CEP89: variants seen among roughly 807,000 people sequenced by gnomAD.
CEP89 encodes centrosomal protein of 89 kDa.
In CEP89, 95 loss-of-function variants were observed where a neutral mutation model predicts 97.6. The observed-to-expected ratio is 0.97, with a 90% CI of 0.82 to 1.15. The LOEUF (loss-of-function observed/expected upper bound fraction) is 1.15, where lower values mean the gene tolerates loss of function less well. Ranked by LOEUF, CEP89 falls within the 50% of genes most tolerant of loss-of-function variation. CEP89 has a pLI of 0.00. For synonymous variants in CEP89, 354 were observed against 349.1 expected (o/e 1.01, Z -0.16); for missense variants, 869 against 947.7 (o/e 0.92, Z 1.09).
In CEP89 at chr19:32,931,446, G is replaced by A. The variant is rs1163617366; in HGVS notation, c.1012C>T (p.His338Tyr). The A allele has an allele frequency of 6.3e-7, 1 of 1,581,864 alleles. No homozygotes were observed. The highest frequency in any genetic ancestry group is 1.4e-5 in the African/African-American group (1 of 72,880). The part of the protein sequence containing the change: ...ELSRYQTKFR[H>Y]LSKEESLNIE... ...AACGTTACCTCTTCCTTGGACAAAT[G>A]CCTGAATTTTGTCTGATATCGACTG... Residue 338 changes from histidine to tyrosine, a missense_variant, in exon 9 of 19, where the codon CAT (histidine) becomes TAT (tyrosine). His to Tyr is a moderately conservative substitution (Grantham distance 83). Transcript: ENST00000305768.
intron 15 of CEP89, 67 bp from the exon 16 acceptor site, chr19:32,900,065 ATCTGTATT>A: frequency 6.9e-7 from 1 of 1,446,710 alleles, no homozygotes; most frequent in African/African-American, 1.4e-5. Context: ...CATGGTGAAT[ATCTGTATT>A]ACAAAAACAG....
At chr19:32,881,785 A>G (rs1236278431) in intron 18 of CEP89, 59 bp downstream of exon 18, 1 of 1,491,584 alleles carries the variant, frequency 6.7e-7, no homozygotes, top group African/African-American at 1.4e-5. Flanking sequence ...GTTTTAGCAG[A>G]ACCCTCAATC....
At chr19:32,902,821 C>T (rs963105936) in intron 14 of CEP89, among the ~76,000 whole-genome samples, 2 of 152,088 alleles carry the variant, frequency 1.3e-5, no homozygotes, top group Admixed American at 6.6e-5. Context: ...GAGGAAACTG[C>T]GTAAAGCCTA....
chr19:32,935,960 C>A (rs1249334152), intron 7 of CEP89, among the ~76,000 whole-genome samples: 2 of 152,310 alleles, frequency 1.3e-5, no homozygotes, highest in Non-Finnish European at 2.9e-5. Flanking sequence ...CTCCACAGAG[C>A]CATCAGGAGC....
At position 32,943,502 on chromosome 19, in the gene CEP89, G is replaced by A. The variant is rs529968919; in HGVS notation, c.596-3617C>T. 3.9e-5 allele frequency among the ~76,000 whole-genome samples: 6 copies of A among 152,206 alleles called. No homozygotes were observed. In the South Asian group the frequency reaches 6.2e-4, roughly 16 times the overall value. ...TATAAGGATGTAGTGGCTCATGCCT[G>A]TAATCCCAACACTGCGGGAAGCCGA... On this transcript the variant is annotated intron_variant, in intron 5 of 18. Transcript: ENST00000305768.
At position 32,900,016 on chromosome 19, in the gene CEP89, A is replaced by G. The variant is rs368957729; in HGVS notation, c.1734-18T>C. ...GAGATTTCCTAGAGAGTTACCCCAA[A>G]TGGTAGAATAAAAAGCCCATTAGTT... On this transcript the variant is annotated intron_variant, in intron 15 of 18. Coordinates refer to ENST00000305768, the MANE Select transcript of CEP89 (RefSeq NM_032816.5). 12 of 1,613,194 alleles carry G rather than the reference A, an allele frequency of 7.4e-6. No homozygotes were observed. The African/African-American group carries it at 1.6e-4, about 22-fold the overall frequency.
At chr19:32,930,527 C>T (rs1012435680) in intron 9 of CEP89, among the ~76,000 whole-genome samples, 8 of 152,006 alleles carry the variant, frequency 5.3e-5, no homozygotes, top group Non-Finnish European at 1.2e-4. Context: ...CTCAGAAGCC[C>T]ATGAGGCCTG....
chr19:32,878,982 A>T lies in CEP89; in HGVS notation c.*180T>A, dbSNP rs956667498. ...AGCTCTAAAAAAAAAAAAAAATTAAAAAATAAAGCAAAATGTTATCAATGG... is the reference window on the plus strand; with the variant it reads ...AGCTCTAAAAAAAAAAAAAAATTAATAAATAAAGCAAAATGTTATCAATGG... On this transcript the variant is annotated 3_prime_UTR_variant, in exon 19 of 19. Coordinates refer to ENST00000305768, the MANE Select transcript of CEP89 (RefSeq NM_032816.5). 6 of 469,006 alleles carry T rather than the reference A, an allele frequency of 1.3e-5. No individual in the cohort carries two copies. The highest frequency in any genetic ancestry group is 6.0e-5 in the African/African-American group (3 of 50,356). The allele number at this position is 469,006 out of a possible 1,614,324, so 29.1% of individuals were successfully genotyped here.
intron 12 of CEP89, among the ~76,000 whole-genome samples, chr19:32,921,797 C>T (rs1331476141): frequency 6.6e-6 from 1 of 152,134 alleles, no homozygotes; most frequent in Non-Finnish European, 1.5e-5. Flanking sequence ...TCACAGAGCA[C>T]CAAGACCCAG....
At chr19:32,883,216 A>G (rs16960686) in intron 17 of CEP89, among the ~76,000 whole-genome samples, 12,352 of 152,040 alleles carry the variant, frequency 0.081, 1,570 homozygotes, top group African/African-American at 0.27. Context: ...CCACAGACTC[A>G]TTTTTTTATA....
At position 32,879,854 on chromosome 19, in the gene CEP89, G is replaced by A. The variant is rs138143524; in HGVS notation, c.2136-476C>T. ...CTGCTTGTCCACTGTGACCTGGCCA[G>A]CACTCAGTGACCTTCCACAGGTCTT... On this transcript the variant is annotated intron_variant, in intron 18 of 18. Coordinates refer to ENST00000305768, the MANE Select transcript of CEP89 (RefSeq NM_032816.5). 2.4e-3 allele frequency among the ~76,000 whole-genome samples: 372 copies of A among 152,336 alleles called. 2 individuals carry two copies. Among genetic ancestry groups the A allele is most frequent in the South Asian group, 0.01 (50 of 4,822 alleles).
In CEP89 at chr19:32,933,620, C is replaced by T; in HGVS notation, c.717G>A (p.Lys239=). 1.2e-6 allele frequency: 2 copies of T among 1,613,584 alleles called. No homozygotes were observed. Among genetic ancestry groups the T allele is most frequent in the Non-Finnish European group, 1.7e-6 (2 of 1,179,520 alleles). Residue 239 remains lysine (K), a synonymous_variant, in exon 8 of 19, where the codon AAG becomes AAA. Coordinates refer to ENST00000305768, the MANE Select transcript of CEP89 (RefSeq NM_032816.5). ...TATTTTCTTCTTTTAATGCCTCAAA[C>T]TTTTCTCTGGTTATTTCTGTATATC... ...RQRYTEITRE[K]FEALKEENMD...
At chr19:32,897,103 C>G (rs753828844) in intron 16 of CEP89, among the ~76,000 whole-genome samples, 1 of 152,134 alleles carries the variant, frequency 6.6e-6, no homozygotes, top group Non-Finnish European at 1.5e-5. Flanking sequence ...AGTTTGAGGA[C>G]AGGCCACCCA....
intron 4 of CEP89, among the ~76,000 whole-genome samples, 181 bp from the exon 5 acceptor site, chr19:32,948,549 C>T (rs1159414336): frequency 6.6e-6 from 1 of 152,176 alleles, no homozygotes; most frequent in African/African-American, 2.4e-5. Context: ...GGCTGGATGA[C>T]ACTTCCAGGC....
rs1301748441 is a variant in CEP89, at chr19:32,971,883, C to T, written c.-9G>A. On this transcript the variant is annotated 5_prime_UTR_variant, in exon 1 of 19. Coordinates refer to ENST00000305768, the MANE Select transcript of CEP89 (RefSeq NM_032816.5). ...CGAAATCCCAGGAGCATCCTTGCAGCGCGAGGAGAATGGACCGGGGCCTGG... is the reference window on the plus strand; with the variant it reads ...CGAAATCCCAGGAGCATCCTTGCAGTGCGAGGAGAATGGACCGGGGCCTGG... 1.3e-6 allele frequency: 2 copies of T among 1,586,520 alleles called. No homozygotes were observed. The highest frequency in any genetic ancestry group is 1.7e-6 in the Non-Finnish European group (2 of 1,165,040).
At chr19:32,888,710 A>C (rs1198858235) in intron 16 of CEP89, among the ~76,000 whole-genome samples, 3 of 152,102 alleles carry the variant, frequency 2.0e-5, no homozygotes, top group Non-Finnish European at 2.9e-5. Flanking sequence ...TCAGTACCTA[A>C]GACTATTGTG....
chr19:32,966,139 T>G, intron 2 of CEP89: 8 of 390,214 alleles, frequency 2.1e-5, no homozygotes, highest in Non-Finnish European at 2.7e-5. Flanking sequence ...TCATGAAATG[T>G]GAGAAGTTCA....
intron 6 of CEP89, among the ~76,000 whole-genome samples, chr19:32,939,243 C>G (rs1970637710): frequency 6.6e-6 from 1 of 152,002 alleles, no homozygotes; most frequent in Non-Finnish European, 1.5e-5. Context: ...AGAGGGAGAT[C>G]CTGTCTCAAA....
chr19:32,967,688 G>A (rs1971313496), intron 1 of CEP89, among the ~76,000 whole-genome samples: 1 of 152,334 alleles, frequency 6.6e-6, no homozygotes, highest in South Asian at 2.1e-4. Flanking sequence ...TTTAGACTGG[G>A]CTTTCAGAGA....
Sources: gnomAD v4.1 joint callset for allele counts (sites outside exome capture counted in the v4.1 genomes callset) on GRCh38, gnomAD v4.1.1 for gene constraint, MANE v1.5 for transcripts, NCBI Gene and HGNC (gene_info 2026-07-23, HGNC 2026-07-21) for gene names.